EIF2AK3: variants seen among roughly 807,000 people sequenced by gnomAD.
EIF2AK3 encodes eukaryotic translation initiation factor 2 alpha kinase 3.
A neutral mutation model predicts 113.5 loss-of-function variants in EIF2AK3; 50 were observed. The observed-to-expected ratio is 0.44, with a 90% CI of 0.35 to 0.56. The LOEUF is 0.56. Among genes scored for constraint, EIF2AK3 ranks in the 20% least tolerant of loss-of-function variants. EIF2AK3 has a pLI of 0.00. For synonymous variants in EIF2AK3, 448 were observed against 495.4 expected (o/e 0.90, Z 1.27); for missense variants, 1,185 against 1,378.0 (o/e 0.86, Z 2.22).
intron 8 of EIF2AK3, 25 bp from the exon 9 acceptor site, chr2:88,586,086 T>C (rs1162440817): frequency 6.2e-7 from 1 of 1,601,558 alleles, no homozygotes. Context: ...ATTAAAACGT[T>C]TTTTTTAAAG....
chr2:88,559,129 G>T, intron 15 of EIF2AK3, 150 bp from the exon 16 acceptor site: 1 of 578,732 alleles, frequency 1.7e-6, no homozygotes, highest in Non-Finnish European at 3.1e-6. Flanking sequence ...AACTACATAT[G>T]TTTCCTGAGC....
intron 2 of EIF2AK3, among the ~76,000 whole-genome samples, chr2:88,600,320 C>T (rs1033089418): frequency 2.0e-5 from 3 of 152,102 alleles, no homozygotes; most frequent in Admixed American, 6.6e-5. Context: ...TTACCTCACC[C>T]CCTAAGCATA....
At chr2:88,607,881 A>C (rs1309268658) in intron 2 of EIF2AK3, among the ~76,000 whole-genome samples, 2 of 152,218 alleles carry the variant, frequency 1.3e-5, no homozygotes, top group East Asian at 1.9e-4. Context: ...CTGATGCATG[A>C]AGTTAGATTA....
chr2:88,585,911 G>C lies in EIF2AK3; in HGVS notation c.1580C>G (p.Ala527Gly). The change falls in exon 9 of 17, where the codon GCA becomes GGA. Residue 527 changes from alanine to glycine, a missense_variant. By Grantham distance (60) the Ala-to-Gly change is moderately conservative. Transcript: ENST00000303236. Reference sequence around the variant, plus strand: ...TGCTATGATACAAAACAAAATCGTTGCAACTATTTCTTTCCACCAGTGTAA... The same window carrying C: ...TGCTATGATACAAAACAAAATCGTTCCAACTATTTCTTTCCACCAGTGTAA... ...LLLHWWKEIV[A>G]TILFCIIATT... 6.2e-7 allele frequency: 1 copy of C among 1,614,076 alleles called. No homozygotes were observed. The highest frequency in any genetic ancestry group is 1.1e-5 in the South Asian group (1 of 91,076).
At chr2:88,596,243 A>G (rs1015192746) in intron 2 of EIF2AK3, among the ~76,000 whole-genome samples, 3 of 152,096 alleles carry the variant, frequency 2.0e-5, no homozygotes, top group African/African-American at 7.2e-5. Context: ...CTGCAATGAG[A>G]TAGAAGCCTA....
chr2:88,562,227 T>A, intron 15 of EIF2AK3, 62 bp downstream of exon 15: 1 of 1,397,660 alleles, frequency 7.2e-7, no homozygotes, highest in Non-Finnish European at 1.0e-6. Context: ...TAAAAAACTC[T>A]TTTGTAAATG....
intron 13 of EIF2AK3, among the ~76,000 whole-genome samples, chr2:88,572,530 A>G (rs1406202813): frequency 6.6e-6 from 1 of 152,168 alleles, no homozygotes; most frequent in Non-Finnish European, 1.5e-5. Flanking sequence ...GGAAAAAGCA[A>G]TACTTTTCTC....
At chr2:88,570,451 A>G (rs997654474) in intron 14 of EIF2AK3, among the ~76,000 whole-genome samples, 5 of 152,140 alleles carry the variant, frequency 3.3e-5, no homozygotes, top group Non-Finnish European at 2.9e-5. Flanking sequence ...GTGTGCCTCT[A>G]TTTCCTACTG....
chr2:88,627,661 G>A (rs185561774), upstream of EIF2AK3: 1 of 200,092 alleles, frequency 5.0e-6, no homozygotes, highest in East Asian at 1.2e-4. Context: ...TTACCAATGA[G>A]AAATGCCCTT....
At chr2:88,581,900 A>T (rs1674609312) in intron 10 of EIF2AK3, among the ~76,000 whole-genome samples, 1 of 152,116 alleles carries the variant, frequency 6.6e-6, no homozygotes, top group Non-Finnish European at 1.5e-5. Context: ...CCAGGTAGGT[A>T]CCTTGCAGGG....
chr2:88,617,336 C>T (rs896295512), intron 1 of EIF2AK3, among the ~76,000 whole-genome samples: 1 of 152,134 alleles, frequency 6.6e-6, no homozygotes, highest in Admixed American at 6.5e-5. Context: ...ATGTCCTTTG[C>T]AGCAACATGG....
In EIF2AK3 at chr2:88,574,900, G is replaced by A. The variant is rs1192224431; in HGVS notation, c.2583C>T (p.Thr861=). 9.9e-6 allele frequency: 16 copies of A among 1,614,066 alleles called. No homozygotes were observed. The highest frequency in any genetic ancestry group is 1.4e-5 in the Non-Finnish European group (16 of 1,180,020). ...TTTTAGTGAGATCTAAACTTAAAGTGGTTGGTCTTGGAGGAGAAATAGACA... is the reference window on the plus strand; with the variant it reads ...TTTTAGTGAGATCTAAACTTAAAGTAGTTGGTCTTGGAGGAGAAATAGACA... The part of the protein sequence containing the change: ...ATLSISPPRP[T]TLSLDLTKNT... Residue 861 remains threonine, a synonymous_variant, in exon 13 of 17, where the codon ACC becomes ACT. Coordinates refer to ENST00000303236, the MANE Select transcript of EIF2AK3 (RefSeq NM_004836.7).
chr2:88,559,108 C>T (rs527702537), intron 15 of EIF2AK3, 129 bp from the exon 16 acceptor site: 1 of 624,510 alleles, frequency 1.6e-6, no homozygotes, highest in African/African-American at 1.9e-5. Context: ...AATAGCTTTT[C>T]CTGATTTAAT....
Position 88,557,352 on chromosome 2 carries a change from G to C in EIF2AK3, c.*384C>G, listed in dbSNP as rs1673805502. On this transcript the variant is annotated 3_prime_UTR_variant, in exon 17 of 17. Coordinates refer to ENST00000303236, the MANE Select transcript of EIF2AK3 (RefSeq NM_004836.7). ...CATATCTCTAGAAAGCATATTTCTA[G>C]AACAATACAGTTACCACACAGGGGG... The C allele has an allele frequency of 4.6e-6, 1 of 217,110 alleles. No homozygotes were observed. The allele number at this position is 217,110 out of a possible 1,614,324, so 13.4% of individuals were successfully genotyped here.
rs1038564198 is a variant in EIF2AK3 at position 88,557,541 on chromosome 2, A to C, written c.*195T>G. Reference sequence around the variant, plus strand: ...AAGAACAAAGATAGCCCTTTCCTTAAGTATAGCAAAACTCAGGAGTTGGCT... The same window carrying C: ...AAGAACAAAGATAGCCCTTTCCTTACGTATAGCAAAACTCAGGAGTTGGCT... On this transcript the variant is annotated 3_prime_UTR_variant, in exon 17 of 17. Coordinates refer to ENST00000303236, the MANE Select transcript of EIF2AK3 (RefSeq NM_004836.7). 4 of 629,614 alleles carry C rather than the reference A, an allele frequency of 6.4e-6. No individual in the cohort carries two copies. 39.0% of individuals were successfully genotyped at this position (629,614 alleles called of 1,614,324 possible). A position where few individuals can be genotyped will look rare whatever the true frequency, so the allele number is the denominator to read the frequency against.
In EIF2AK3 at chr2:88,574,896, A is replaced by G; in HGVS notation, c.2587T>C (p.Leu863=). 6.2e-7 allele frequency: 1 copy of G among 1,614,190 alleles called. No individual in the cohort carries two copies. The highest frequency in any genetic ancestry group is 8.5e-7 in the Non-Finnish European group (1 of 1,180,032). Residue 863 remains leucine (L), a synonymous_variant, in exon 13 of 17, where the codon TTA becomes CTA. Coordinates refer to ENST00000303236, the MANE Select transcript of EIF2AK3 (RefSeq NM_004836.7). ...GTGTTTTTAGTGAGATCTAAACTTA[A>G]AGTGGTTGGTCTTGGAGGAGAAATA... ...LSISPPRPTT[L]SLDLTKNTTE... is the part of the protein sequence containing the mutation.
At chr2:88,597,404 T>C (rs949979731) in intron 2 of EIF2AK3, among the ~76,000 whole-genome samples, 9 of 152,172 alleles carry the variant, frequency 5.9e-5, no homozygotes, top group Non-Finnish European at 1.3e-4. Context: ...GTTATGACAC[T>C]ATTCAAAAAT....
intron 14 of EIF2AK3, among the ~76,000 whole-genome samples, chr2:88,568,414 C>A (rs1674198883): frequency 6.6e-6 from 1 of 152,230 alleles, no homozygotes; most frequent in South Asian, 2.1e-4. Flanking sequence ...CAATTACATT[C>A]TTCAGCACCA....
At chr2:88,587,556 C>T (rs1425875768) in intron 8 of EIF2AK3, among the ~76,000 whole-genome samples, 1 of 152,076 alleles carries the variant, frequency 6.6e-6, no homozygotes, top group Non-Finnish European at 1.5e-5. Flanking sequence ...TTATGAAAAA[C>T]ACATTTTCTT....
Sources: gnomAD v4.1 joint callset for allele counts (sites outside exome capture counted in the v4.1 genomes callset) on GRCh38, gnomAD v4.1.1 for gene constraint, MANE v1.5 for transcripts, NCBI Gene and HGNC (gene_info 2026-07-23, HGNC 2026-07-21) for gene names.